The following VPS13A variants were observed in gnomAD, a reference collection of about 807,000 sequenced individuals.
VPS13A encodes the protein vacuolar protein sorting 13 homolog A.
A neutral mutation model predicts 390.9 loss-of-function variants in VPS13A; 264 were observed. The observed-to-expected ratio is 0.68, with a 90% confidence interval of 0.61 to 0.75. The LOEUF (loss-of-function observed/expected upper bound fraction) is 0.75. Among genes scored for constraint, VPS13A ranks in the 30% least tolerant of loss-of-function variants. The probability of loss-of-function intolerance (pLI) is 0.00; values close to 1 mark genes in which losing one functional copy is unlikely to be tolerated. For missense variants in VPS13A, 3,409 were observed against 3,733.9 expected (o/e 0.91, Z 2.27); for synonymous variants, 1,231 against 1,227.1 (o/e 1.00, Z -0.07).
chr9:77,390,167 A>T, intron 68 of VPS13A: 1 of 952,864 alleles, frequency 1.0e-6, no homozygotes, highest in African/African-American at 1.8e-5. Context: ...ACTAGGAGAC[A>T]AAGGCTATTG....
chr9:77,381,940 A>C, intron 67 of VPS13A, 36 bp from the exon 68 acceptor site: 1 of 1,403,184 alleles, frequency 7.1e-7, no homozygotes, highest in Non-Finnish European at 9.9e-7. Context: ...GTTTTTGAAT[A>C]ATTTTTAAAA....
rs1300482492 is a variant in VPS13A at position 77,384,657 on chromosome 9, G to GTC, written c.9189+2570_9189+2571insTC. ...TGATGATGATGATGATGATGATGAT[G>GTC]ATGATGAGTCAGATCTAAACCATTA... On this transcript the variant is annotated intron_variant, in intron 68 of 71. Coordinates refer to ENST00000360280, the MANE Select transcript of VPS13A (RefSeq NM_033305.3). 4 of 1,603,534 alleles carry GTC rather than the reference G, an allele frequency of 2.5e-6. No homozygotes were observed. The African/African-American group carries it at 5.3e-5, about 21-fold the overall frequency.
chr9:77,235,993 T>C lies in VPS13A; in HGVS notation c.1596-2009T>C, dbSNP rs541370265. Among the ~76,000 whole-genome samples, 8 of 152,316 alleles carry C rather than the reference T, an allele frequency of 5.3e-5. No individual in the cohort carries two copies. The South Asian group carries it at 6.2e-4, about 12-fold the overall frequency. The stretch of plus-strand genomic sequence containing the variant: ...AATAAATTACATAAGCTATTTAACA[T>C]TTTATTGTAAAATAGGCCTTGTGTT... On this transcript the variant is annotated intron_variant, in intron 17 of 71. Coordinates refer to ENST00000360280, the MANE Select transcript of VPS13A (RefSeq NM_033305.3).
chr9:77,367,941 A>G (rs1479676504), intron 61 of VPS13A, 114 bp from the exon 62 acceptor site: 3 of 965,454 alleles, frequency 3.1e-6, no homozygotes, highest in Non-Finnish European at 4.7e-6. Flanking sequence ...GGGAAAATGT[A>G]CTAGAAGGAA....
intron 26 of VPS13A, among the ~76,000 whole-genome samples, chr9:77,278,449 A>G (rs1348980292): frequency 1.3e-5 from 2 of 152,164 alleles, no homozygotes; most frequent in Admixed American, 1.3e-4. Flanking sequence ...TGCAAACAGA[A>G]AAAAGAGTAT....
intron 71 of VPS13A, among the ~76,000 whole-genome samples, chr9:77,408,920 C>T (rs1271428371): frequency 6.6e-6 from 1 of 152,196 alleles, no homozygotes; most frequent in Non-Finnish European, 1.5e-5. Flanking sequence ...ACTTAAATGT[C>T]CCTGTCTGAC....
chr9:77,377,508 T>C (rs1833171623), intron 67 of VPS13A, among the ~76,000 whole-genome samples: 1 of 152,196 alleles, frequency 6.6e-6, no homozygotes, highest in Non-Finnish European at 1.5e-5. Context: ...TTAAATGGAA[T>C]TGTTTTCTTA....
chr9:77,227,388 T>C lies in VPS13A; in HGVS notation c.1358-3T>C, dbSNP rs773506278. On this transcript the variant is annotated splice_region_variant and splice_polypyrimidine_tract_variant and intron_variant, in intron 15 of 71. Transcript: ENST00000360280. ...ACATAAAGCACTTCTTTCTGATTTGTAGCTCTTGAAGAAATGTTGACACCT... is the reference window on the plus strand; with the variant it reads ...ACATAAAGCACTTCTTTCTGATTTGCAGCTCTTGAAGAAATGTTGACACCT... 14 of 1,608,582 alleles carry C rather than the reference T, an allele frequency of 8.7e-6. No homozygotes were observed. Among genetic ancestry groups the C allele is most frequent in the Non-Finnish European group, 1.1e-5 (13 of 1,175,518 alleles).
chr9:77,375,133 A>T (rs72748204), intron 67 of VPS13A, among the ~76,000 whole-genome samples: 8,838 of 152,266 alleles, frequency 0.058, 364 homozygotes, highest in South Asian at 0.12. Context: ...AAACATATGA[A>T]GGCTTCTTTC....
chr9:77,413,098 AT>A (rs1165073773), intron 71 of VPS13A, among the ~76,000 whole-genome samples: 3 of 152,222 alleles, frequency 2.0e-5, no homozygotes, highest in African/African-American at 7.2e-5. Context: ...ATAAAAGAGG[AT>A]ACAAACAAAT....
chr9:77,203,324 T>C, intron 3 of VPS13A, among the ~76,000 whole-genome samples: 1 of 152,228 alleles, frequency 6.6e-6, no homozygotes, highest in Non-Finnish European at 1.5e-5. Context: ...CATCTTGCTC[T>C]GTTGCCCAGG....
chr9:77,292,364 C>T (rs1320294742), intron 31 of VPS13A, among the ~76,000 whole-genome samples: 1 of 152,074 alleles, frequency 6.6e-6, no homozygotes, highest in African/African-American at 2.4e-5. Context: ...TCTCTCTCTC[C>T]CTGAAGGTAC....
intron 32 of VPS13A, among the ~76,000 whole-genome samples, chr9:77,295,246 T>G (rs941083208): frequency 1.3e-5 from 2 of 152,110 alleles, no homozygotes; most frequent in Admixed American, 6.6e-5. Flanking sequence ...GAAATAGGGT[T>G]GTTTTTCATT....
intron 45 of VPS13A, among the ~76,000 whole-genome samples, chr9:77,328,304 G>A (rs1564732429): frequency 1.3e-5 from 2 of 152,178 alleles, no homozygotes; most frequent in African/African-American, 4.8e-5. Flanking sequence ...GTAAACAGAT[G>A]TGCTTTCAAA....
intron 52 of VPS13A, among the ~76,000 whole-genome samples, chr9:77,348,345 A>G (rs546198051): frequency 6.6e-6 from 1 of 152,286 alleles, no homozygotes; most frequent in Non-Finnish European, 1.5e-5. Flanking sequence ...GCTAGAAGCT[A>G]TTATCCTCAG....
At chr9:77,373,217 A>G (rs1337401460) in intron 67 of VPS13A, among the ~76,000 whole-genome samples, 8 of 149,910 alleles carry the variant, frequency 5.3e-5, no homozygotes, top group African/African-American at 7.3e-5. Context: ...GAGGCATCAC[A>G]CTACCTGACT....
intron 34 of VPS13A, among the ~76,000 whole-genome samples, chr9:77,307,668 G>A (rs1828835257): frequency 6.6e-6 from 1 of 151,952 alleles, no homozygotes; most frequent in South Asian, 2.1e-4. Flanking sequence ...TCATTTTAAA[G>A]GTTTAAAATT....
At chr9:77,388,722 A>G (rs919190573) in intron 68 of VPS13A, among the ~76,000 whole-genome samples, 12 of 152,120 alleles carry the variant, frequency 7.9e-5, no homozygotes, top group African/African-American at 2.9e-4. Context: ...TTTAAAAGCA[A>G]CCAGGATAGT....
intron 21 of VPS13A, among the ~76,000 whole-genome samples, chr9:77,251,255 G>A (rs1200396904): frequency 6.6e-6 from 1 of 152,098 alleles, no homozygotes; most frequent in East Asian, 1.9e-4. Context: ...AAATTACTGG[G>A]TTTGGTTTTC....
Sources: gnomAD v4.1 joint callset for allele counts (sites outside exome capture counted in the v4.1 genomes callset) on GRCh38, gnomAD v4.1.1 for gene constraint, MANE v1.5 for transcripts, NCBI Gene and HGNC (gene_info 2026-07-23, HGNC 2026-07-21) for gene names.